Variants in NRXN3 observed in about 807,000 individuals in gnomAD.
NRXN3 encodes the protein neurexin III.
Under a neutral mutation model 137.6 loss-of-function variants are expected in NRXN3, and 32 were observed. The ratio of observed to expected loss-of-function variants is 0.23; its 90% CI spans 0.18 to 0.31. The LOEUF is 0.31. NRXN3 is among the 10% of genes least tolerant of loss of function. NRXN3 has a pLI of 1.00. For synonymous variants in NRXN3, 798 were observed against 784.5 expected (o/e 1.02, Z -0.29); for missense variants, 1,574 against 2,062.5 (o/e 0.76, Z 4.59).
rs1387246400 is a variant in NRXN3 at position 79,719,291 on chromosome 14, GTA to G, written c.4014+21356_4014+21357del. ...TGTGTGTGTGTACATATATATGTAT[GTA>G]TGTGTATATGTATGTGTATGTATAC... On this transcript the variant is annotated intron_variant, in intron 19 of 20. Coordinates refer to ENST00000335750, the MANE Select transcript of NRXN3 (RefSeq NM_001330195.2). 3.6e-3 allele frequency among the ~76,000 whole-genome samples: 172 copies of G among 48,082 alleles called. 1 individual carries two copies. Among genetic ancestry groups the G allele is most frequent in the South Asian group, 0.019 (31 of 1,604 alleles). The allele number at this position is 48,082 out of a possible 152,430, so 31.5% of individuals were successfully genotyped here. A position where few individuals can be genotyped will look rare whatever the true frequency, so the allele number is the denominator to read the frequency against.
chr14:78,173,024 G>A (rs1276197851), intron 1 of NRXN3, among the ~76,000 whole-genome samples: 1 of 152,116 alleles, frequency 6.6e-6, no homozygotes, highest in Non-Finnish European at 1.5e-5. Context: ...CTGATGCTTG[G>A]GGTTTTGAGA....
In NRXN3 at chr14:79,771,433, A is replaced by C. The variant is rs563996724; in HGVS notation, c.4015-33679A>C. Among the ~76,000 whole-genome samples the C allele has an allele frequency of 1.8e-4, 28 of 151,374 alleles. No individual in the cohort carries two copies. The South Asian group carries it at 5.9e-3, about 32-fold the overall frequency. On this transcript the variant is annotated intron_variant, in intron 19 of 20. Transcript: ENST00000335750. ...ATCAAAAAGCTTATCCACCATGATCAAGTGGGCTTCATCCCTGGGATGCAA... is the reference window on the plus strand; with the variant it reads ...ATCAAAAAGCTTATCCACCATGATCCAGTGGGCTTCATCCCTGGGATGCAA...
chr14:79,069,254 C>T (rs1357695744), intron 15 of NRXN3, among the ~76,000 whole-genome samples: 2 of 152,096 alleles, frequency 1.3e-5, no homozygotes, highest in Non-Finnish European at 2.9e-5. Context: ...TTCCTATCTC[C>T]TATTCTTCTT....
Position 79,835,440 on chromosome 14 carries a change from G to A in NRXN3, c.4094-25902G>A, listed in dbSNP as rs188165097. 2.7e-3 allele frequency among the ~76,000 whole-genome samples: 413 copies of A among 152,180 alleles called. 1 individual carries two copies. Among genetic ancestry groups the A allele is most frequent in the African/African-American group, 9.4e-3 (392 of 41,536 alleles). ...GTACCATAACGCTTTTCCTTTTAAT[G>A]ATATATAAGAATAATATTTCTCTCT... On this transcript the variant is annotated intron_variant, in intron 20 of 20. Coordinates refer to ENST00000335750, the MANE Select transcript of NRXN3 (RefSeq NM_001330195.2).
At chr14:79,812,513 GAA>G (rs36064892) in intron 20 of NRXN3, among the ~76,000 whole-genome samples, 1 of 150,180 alleles carries the variant, frequency 6.7e-6, no homozygotes, top group Non-Finnish European at 1.5e-5. Context: ...GGATATGCAA[GAA>G]AAAAAAAATC....
chr14:78,289,585 G>GTT (rs112421375), intron 3 of NRXN3, among the ~76,000 whole-genome samples: 2 of 146,958 alleles, frequency 1.4e-5, no homozygotes, highest in South Asian at 2.2e-4. Flanking sequence ...AAATGTGCTT[G>GTT]TTTTTTTTTT....
At chr14:78,836,872 C>T (rs975073044) in intron 10 of NRXN3, among the ~76,000 whole-genome samples, 7 of 152,068 alleles carry the variant, frequency 4.6e-5, no homozygotes, top group Non-Finnish European at 8.8e-5. Context: ...TACAGTGTTC[C>T]AGGGTCAGCC....
At chr14:79,234,536 C>A (rs1436204899) in intron 15 of NRXN3, among the ~76,000 whole-genome samples, 1 of 150,552 alleles carries the variant, frequency 6.6e-6, no homozygotes, top group Admixed American at 6.6e-5. Flanking sequence ...AAGCACCTGC[C>A]ATCACGCCTG....
chr14:78,400,108 A>G (rs975603229), intron 4 of NRXN3, among the ~76,000 whole-genome samples: 13 of 152,188 alleles, frequency 8.5e-5, no homozygotes, highest in African/African-American at 2.2e-4. Flanking sequence ...ACTTCATTCT[A>G]TTAGAAATAT....
At chr14:78,861,655 C>T (rs905803327) in intron 10 of NRXN3, among the ~76,000 whole-genome samples, 2 of 152,088 alleles carry the variant, frequency 1.3e-5, no homozygotes, top group Admixed American at 6.6e-5. Context: ...CATAGAGAAA[C>T]CATCCATGTT....
chr14:78,315,667 T>G (rs183744300), intron 4 of NRXN3, among the ~76,000 whole-genome samples: 1 of 152,230 alleles, frequency 6.6e-6, no homozygotes, highest in Non-Finnish European at 1.5e-5. Flanking sequence ...CAAAAGTGAT[T>G]GGGATCTTAG....
intron 15 of NRXN3, among the ~76,000 whole-genome samples, chr14:79,133,194 A>G (rs1327465009): frequency 6.6e-6 from 1 of 152,198 alleles, no homozygotes; most frequent in African/African-American, 2.4e-5. Flanking sequence ...TGTCTTTTTC[A>G]GTTTTTAATC....
chr14:79,505,972 A>G lies in NRXN3; in HGVS notation c.3444+38570A>G, dbSNP rs543804949. 2.6e-5 allele frequency among the ~76,000 whole-genome samples: 4 copies of G among 152,304 alleles called. No individual in the cohort carries two copies. The South Asian group carries it at 8.3e-4, about 32-fold the overall frequency. On this transcript the variant is annotated intron_variant, in intron 16 of 20. Coordinates refer to ENST00000335750, the MANE Select transcript of NRXN3 (RefSeq NM_001330195.2). ...TCTCATCTAAAGACTCAACAGGGGA[A>G]GGGTCTGCTTCCAAGCTAGCTCAGG... is the stretch of plus-strand genomic sequence containing the variant.
chr14:79,051,348 CA>C lies in NRXN3; in HGVS notation c.3262+63215del, dbSNP rs562187208. ...TTTCATTTGAATTATCACAACTCAA[CA>C]AAAAAAAGTTATTTTCATCTTTCTC... is the stretch of plus-strand genomic sequence containing the variant. On this transcript the variant is annotated intron_variant, in intron 15 of 20. Transcript: ENST00000335750. Among the ~76,000 whole-genome samples, 577 of 152,038 alleles carry C rather than the reference CA, an allele frequency of 3.8e-3. 2 individuals are homozygous for C. The highest frequency in any genetic ancestry group is 0.013 in the African/African-American group (541 of 41,492).
chr14:79,200,452 G>T (rs778511968), intron 15 of NRXN3, among the ~76,000 whole-genome samples: 1 of 152,250 alleles, frequency 6.6e-6, no homozygotes, highest in Non-Finnish European at 1.5e-5. Context: ...AATAGTGAGG[G>T]TCTCAGAACA....
chr14:79,241,953 G>C (rs2074372005), intron 15 of NRXN3, among the ~76,000 whole-genome samples: 1 of 151,940 alleles, frequency 6.6e-6, no homozygotes, highest in Admixed American at 6.6e-5. Flanking sequence ...TATAATCCCA[G>C]CTATTCGGGA....
chr14:79,790,056 T>C (rs2099140405), intron 19 of NRXN3, among the ~76,000 whole-genome samples: 1 of 152,220 alleles, frequency 6.6e-6, no homozygotes, highest in Non-Finnish European at 1.5e-5. Flanking sequence ...CTGCTCATGT[T>C]TCCAAGATAT....
intron 4 of NRXN3, among the ~76,000 whole-genome samples, chr14:78,580,904 A>T (rs2096987685): frequency 6.6e-6 from 1 of 152,202 alleles, no homozygotes. Context: ...TTAGTCCTTG[A>T]AAAGGGGAAA....
At chr14:79,613,026 G>A (rs1041251221) in intron 16 of NRXN3, among the ~76,000 whole-genome samples, 1 of 152,146 alleles carries the variant, frequency 6.6e-6, no homozygotes, top group African/African-American at 2.4e-5. Context: ...CAAAAGTGTT[G>A]AGTGGCAGAT....
Sources: gnomAD v4.1 joint callset for allele counts (sites outside exome capture counted in the v4.1 genomes callset) on GRCh38, gnomAD v4.1.1 for gene constraint, MANE v1.5 for transcripts, NCBI Gene and HGNC (gene_info 2026-07-23, HGNC 2026-07-21) for gene names.